The following BIRC6 variants were observed in gnomAD, a reference collection of about 807,000 sequenced individuals.
BIRC6 encodes the protein baculoviral IAP repeat containing 6.
A neutral mutation model predicts 503.3 loss-of-function variants in BIRC6; 98 were observed. That is an observed-to-expected ratio of 0.19 (90% CI 0.17 to 0.23). BIRC6 has a LOEUF of 0.23. Among genes scored for constraint, BIRC6 ranks in the 10% least tolerant of loss-of-function variants. BIRC6 has a pLI of 1.00. For synonymous variants in BIRC6, 2,240 were observed against 2,078.7 expected (o/e 1.08, Z -2.11); for missense variants, 5,360 against 5,806.0 (o/e 0.92, Z 2.50).
chr2:32,420,406 G>GT (rs540134555), intron 10 of BIRC6, among the ~76,000 whole-genome samples: 1 of 151,960 alleles, frequency 6.6e-6, no homozygotes, highest in African/African-American at 2.4e-5. Context: ...ACTTCCTAAG[G>GT]TTTTTTATTT....
Position 32,357,133 on chromosome 2 carries a change from A to G in BIRC6, c.-29A>G. The G allele has an allele frequency of 6.8e-7, 1 of 1,460,076 alleles. No homozygotes were observed. The highest frequency in any genetic ancestry group is 8.9e-7 in the Non-Finnish European group (1 of 1,120,064). 90.4% of individuals were successfully genotyped at this position (1,460,076 alleles called of 1,614,324 possible). A position where few individuals can be genotyped will look rare whatever the true frequency, so the allele number is the denominator to read the frequency against. ...CGGGCGCCTGACTTCACTTCCGGCT[A>G]ACGCGCTCGGCTTGCCCCCTGGCCC... On this transcript the variant is annotated 5_prime_UTR_variant, in exon 1 of 74. Transcript: ENST00000421745. The surrounding 1 kb of genome is among the most constrained non-coding windows in gnomAD (Gnocchi z 4.9).
At chr2:32,612,129 A>G (rs1341902556) in intron 73 of BIRC6, among the ~76,000 whole-genome samples, 1 of 152,174 alleles carries the variant, frequency 6.6e-6, no homozygotes, top group East Asian at 1.9e-4. Flanking sequence ...CAGCCACCCA[A>G]ATCACTGGAA....
intron 65 of BIRC6, among the ~76,000 whole-genome samples, chr2:32,555,231 G>A (rs1296256946): frequency 6.6e-6 from 1 of 152,088 alleles, no homozygotes; most frequent in East Asian, 1.9e-4. Flanking sequence ...AAGAGTCTGG[G>A]AGCTGTGGTG....
intron 45 of BIRC6, among the ~76,000 whole-genome samples, chr2:32,496,746 T>G (rs945052315): frequency 2.6e-5 from 4 of 152,226 alleles, no homozygotes; most frequent in African/African-American, 9.6e-5. Context: ...AAAATCATTT[T>G]GAGTGAGATT....
Position 32,514,980 on chromosome 2 carries a change from TA to T in BIRC6, c.10569-9del, listed in dbSNP as rs773039282. On this transcript the variant is annotated splice_polypyrimidine_tract_variant and intron_variant, in intron 54 of 73. Transcript: ENST00000421745. ...CTTGTATCATTAATATGATATCTTT[TA>T]TTTTTTAGGTTACTTTTTAATTGGT... The T allele has an allele frequency of 9.4e-6, 15 of 1,589,956 alleles. No homozygotes were observed. The highest frequency in any genetic ancestry group is 1.7e-5 in the Admixed American group (1 of 57,718).
rs748662531 is a variant in BIRC6, at chr2:32,357,134, A to G, written c.-28A>G. On this transcript the variant is annotated 5_prime_UTR_variant, in exon 1 of 74. Coordinates refer to ENST00000421745, the MANE Select transcript of BIRC6 (RefSeq NM_016252.4). The surrounding 1 kb of genome is among the most constrained non-coding windows in gnomAD (Gnocchi z 4.9). ...GGGCGCCTGACTTCACTTCCGGCTA[A>G]CGCGCTCGGCTTGCCCCCTGGCCCC... The G allele has an allele frequency of 4.8e-6, 7 of 1,461,598 alleles. No individual in the cohort carries two copies. The highest frequency in any genetic ancestry group is 6.2e-6 in the Non-Finnish European group (7 of 1,121,158). The allele number at this position is 1,461,598 out of a possible 1,614,324, so 90.5% of individuals were successfully genotyped here.
chr2:32,544,652 A>T (rs774351503), intron 62 of BIRC6, among the ~76,000 whole-genome samples: 1 of 151,874 alleles, frequency 6.6e-6, no homozygotes, highest in African/African-American at 2.4e-5. Context: ...ACTACAAAGT[A>T]TATTTAATCT....
intron 22 of BIRC6, 59 bp downstream of exon 22, chr2:32,448,987 A>G: frequency 6.7e-7 from 1 of 1,499,980 alleles, no homozygotes; most frequent in South Asian, 1.2e-5. Flanking sequence ...TTAAGTTGCC[A>G]TTTGACTTAA....
chr2:32,421,214 C>G (rs1357430328), intron 10 of BIRC6, among the ~76,000 whole-genome samples: 1 of 150,874 alleles, frequency 6.6e-6, no homozygotes, highest in African/African-American at 2.4e-5. Context: ...TCAAGTGATT[C>G]TCCTGCCTCA....
At chr2:32,465,213 T>G (rs201758023) in intron 26 of BIRC6, 49 bp downstream of exon 26, 595 of 913,160 alleles carry the variant, frequency 6.5e-4, no homozygotes, top group Non-Finnish European at 8.9e-4. Context: ...TTGCTTAGTC[T>G]GCCGGCCTTT....
intron 72 of BIRC6, 148 bp downstream of exon 72, chr2:32,607,791 A>G (rs903429107): frequency 3.8e-6 from 2 of 527,592 alleles, no homozygotes; most frequent in Non-Finnish European, 3.1e-6. Context: ...CAGCCTGGCC[A>G]ATATGGCGAA....
intron 9 of BIRC6, among the ~76,000 whole-genome samples, chr2:32,412,265 G>A (rs536792761): frequency 6.6e-6 from 1 of 152,106 alleles, no homozygotes; most frequent in Non-Finnish European, 1.5e-5. Flanking sequence ...TTGGGAGGCC[G>A]AGGTGGGCAG....
In BIRC6 at chr2:32,386,459, T is replaced by C. The variant is rs78745551; in HGVS notation, c.646-2291T>C. Among the ~76,000 whole-genome samples the C allele has an allele frequency of 1.1e-3, 160 of 151,788 alleles. 2 individuals are homozygous for C. Among genetic ancestry groups the C allele is most frequent in the South Asian group, 9.2e-3 (44 of 4,786 alleles). ...GTCTCTCTCTCTTTTTTTTTTTTTT[T>C]CCAATACAGGGTCTTGCTCTGTCAC... On this transcript the variant is annotated intron_variant, in intron 3 of 73. Coordinates refer to ENST00000421745, the MANE Select transcript of BIRC6 (RefSeq NM_016252.4).
chr2:32,383,536 T>G (rs1272145370), intron 3 of BIRC6, among the ~76,000 whole-genome samples: 1 of 151,980 alleles, frequency 6.6e-6, no homozygotes, highest in African/African-American at 2.4e-5. Context: ...TGCTGTGTCT[T>G]TATTTTATTT....
intron 65 of BIRC6, chr2:32,559,012 A>G (rs1459007766): frequency 1.3e-5 from 2 of 152,010 alleles, no homozygotes; most frequent in East Asian, 3.9e-4. Context: ...GAACCTTTAC[A>G]CTGTTCTTTT....
intron 8 of BIRC6, among the ~76,000 whole-genome samples, chr2:32,403,185 C>T (rs2040790684): frequency 6.6e-6 from 1 of 152,102 alleles, no homozygotes. Flanking sequence ...CTTCCCCTCC[C>T]CAAGAAGTAG....
chr2:32,461,772 C>G (rs2048020078), intron 23 of BIRC6, among the ~76,000 whole-genome samples: 1 of 152,078 alleles, frequency 6.6e-6, no homozygotes, highest in Non-Finnish European at 1.5e-5. Flanking sequence ...TATCCACTAC[C>G]TATGAGCAAA....
intron 72 of BIRC6, among the ~76,000 whole-genome samples, chr2:32,611,009 G>A (rs546216029): frequency 1.3e-5 from 2 of 152,040 alleles, no homozygotes; most frequent in Non-Finnish European, 2.9e-5. Context: ...ACAGGCGTGA[G>A]CCACCACACC....
In BIRC6 at chr2:32,423,469, T is replaced by C. The variant is rs988797087; in HGVS notation, c.2873-5677T>C. Among the ~76,000 whole-genome samples the C allele has an allele frequency of 7.9e-5, 12 of 152,338 alleles. No individual in the cohort carries two copies. The East Asian group carries it at 2.3e-3, about 29-fold the overall frequency. On this transcript the variant is annotated intron_variant, in intron 10 of 73. Transcript: ENST00000421745. ...TTAAGCAGTAACTTCCCATTCATTC[T>C]ACCCTCCGCTGCTGGTAACCTCAAT...
Sources: gnomAD v4.1 joint callset for allele counts (sites outside exome capture counted in the v4.1 genomes callset) on GRCh38, gnomAD v4.1.1 for gene constraint, Gnocchi (gnomAD v3.1) non-coding constraint, MANE v1.5 for transcripts, NCBI Gene and HGNC (gene_info 2026-07-23, HGNC 2026-07-21) for gene names.